Variants in UNC13C observed in about 807,000 individuals in gnomAD.
UNC13C encodes the protein protein unc-13 homolog C.
A neutral mutation model predicts 245.4 loss-of-function variants in UNC13C; 174 were observed. The ratio of observed to expected loss-of-function variants is 0.71; its 90% CI spans 0.63 to 0.80. UNC13C has a LOEUF of 0.80. UNC13C is among the 30% of genes least tolerant of loss of function. UNC13C has a pLI of 0.00. For synonymous variants in UNC13C, 992 were observed against 895.1 expected, an observed-to-expected ratio of 1.11 and a Z score of -1.93; for missense variants, 2,829 against 2,602.9, an observed-to-expected ratio of 1.09 and a Z score of -1.89.
chr15:54,323,274 G>T (rs1218180216), intron 14 of UNC13C, among the ~76,000 whole-genome samples: 1 of 151,998 alleles, frequency 6.6e-6, no homozygotes, highest in Non-Finnish European at 1.5e-5. Flanking sequence ...AAAGAGAAAT[G>T]CATGCGAGGT....
intron 4 of UNC13C, among the ~76,000 whole-genome samples, chr15:54,165,915 T>G (rs192983560): frequency 1.7e-3 from 259 of 152,164 alleles, no homozygotes; most frequent in African/African-American, 5.9e-3. Context: ...TTTTAAAATT[T>G]GTATTATTTT....
intron 30 of UNC13C, among the ~76,000 whole-genome samples, chr15:54,592,260 G>A (rs1300579638): frequency 6.6e-6 from 1 of 152,130 alleles, no homozygotes; most frequent in Non-Finnish European, 1.5e-5. Context: ...TGAATAGAAC[G>A]TGTATTCTGT....
chr15:54,085,039 A>G (rs1899158308), intron 2 of UNC13C, among the ~76,000 whole-genome samples: 1 of 152,186 alleles, frequency 6.6e-6, no homozygotes, highest in South Asian at 2.1e-4. Flanking sequence ...CAATTTGTCC[A>G]AATTATTATG....
intron 8 of UNC13C, among the ~76,000 whole-genome samples, chr15:54,263,645 G>A (rs1343444071): frequency 6.6e-6 from 1 of 152,102 alleles, no homozygotes; most frequent in Non-Finnish European, 1.5e-5. Flanking sequence ...TAGTCTAGTA[G>A]TGTCCAAATC....
At chr15:54,409,211 C>T (rs1442443196) in intron 18 of UNC13C, among the ~76,000 whole-genome samples, 2 of 151,452 alleles carry the variant, frequency 1.3e-5, no homozygotes, top group African/African-American at 4.9e-5. Flanking sequence ...TTTAAATTTC[C>T]CTTTCATCTC....
intron 4 of UNC13C, among the ~76,000 whole-genome samples, chr15:54,145,351 T>C (rs1381132326): frequency 6.6e-6 from 1 of 152,130 alleles, no homozygotes; most frequent in African/African-American, 2.4e-5. Context: ...AATGTAAAGC[T>C]CCTACAAATT....
At position 54,158,469 on chromosome 15, in the gene UNC13C, G is replaced by A. The variant is rs146604324; in HGVS notation, c.3071+14785G>A. On this transcript the variant is annotated intron_variant, in intron 4 of 32. Coordinates refer to ENST00000260323, the MANE Select transcript of UNC13C (RefSeq NM_001080534.3). ...CAGTAGCCTGGGGCTACAGGCGCCCGCCACCATGCCCAGCTAATTTTTTGT... is the reference window on the plus strand; with the variant it reads ...CAGTAGCCTGGGGCTACAGGCGCCCACCACCATGCCCAGCTAATTTTTTGT... 3.3e-3 allele frequency among the ~76,000 whole-genome samples: 507 copies of A among 151,794 alleles called. 2 individuals carry two copies. Among genetic ancestry groups the A allele is most frequent in the Non-Finnish European group, 6.2e-3 (423 of 67,904 alleles).
chr15:54,466,633 G>T (rs890017339), intron 19 of UNC13C, among the ~76,000 whole-genome samples: 1 of 151,762 alleles, frequency 6.6e-6, no homozygotes. Flanking sequence ...TTATATATGT[G>T]ATTATTCTCT....
chr15:54,433,748 A>G (rs1298391758), intron 19 of UNC13C, among the ~76,000 whole-genome samples: 1 of 152,094 alleles, frequency 6.6e-6, no homozygotes, highest in African/African-American at 2.4e-5. Flanking sequence ...ATCAGATACG[A>G]GAAAGAAATG....
rs574012521 is a variant in UNC13C, at chr15:54,322,899, A to G, written c.4425+804A>G. Among the ~76,000 whole-genome samples the G allele has an allele frequency of 2.0e-5, 3 of 152,058 alleles. No individual in the cohort carries two copies. In the South Asian group the frequency reaches 6.2e-4, roughly 32 times the overall value. ...GCATTTGGTATGTTTGGGGACATGG[A>G]CAGGGAGGGAAGGAGAAGATGCCTG... On this transcript the variant is annotated intron_variant, in intron 14 of 32. Transcript: ENST00000260323.
intron 19 of UNC13C, among the ~76,000 whole-genome samples, chr15:54,481,183 A>G (rs939170228): frequency 8.1e-6 from 1 of 123,890 alleles, no homozygotes; most frequent in Non-Finnish European, 1.7e-5. Flanking sequence ...GGCTATGGCA[A>G]TGCATTGCTG....
chr15:54,142,597 T>C (rs1393464683), intron 2 of UNC13C, among the ~76,000 whole-genome samples: 1 of 152,208 alleles, frequency 6.6e-6, no homozygotes, highest in African/African-American at 2.4e-5. Flanking sequence ...CAATTAATTC[T>C]ATCAACAATG....
At chr15:54,269,478 GTAAAA>G (rs149825582) in intron 10 of UNC13C, among the ~76,000 whole-genome samples, 3,808 of 152,158 alleles carry the variant, frequency 0.025, 153 homozygotes, top group African/African-American at 0.087. Flanking sequence ...GTTGTAATCA[GTAAAA>G]TAAAATAGAA....
At chr15:54,585,188 G>T (rs1596617424) in intron 30 of UNC13C, among the ~76,000 whole-genome samples, 1 of 152,204 alleles carries the variant, frequency 6.6e-6, no homozygotes, top group Non-Finnish European at 1.5e-5. Context: ...AGTGTTGGAG[G>T]TAGGGCCTGC....
intron 30 of UNC13C, among the ~76,000 whole-genome samples, chr15:54,610,935 A>T (rs1900058372): frequency 6.6e-6 from 1 of 152,250 alleles, no homozygotes; most frequent in Non-Finnish European, 1.5e-5. Flanking sequence ...AGTAAGTATT[A>T]AAAAAATTTT....
chr15:54,628,516 A>G lies in UNC13C; in HGVS notation c.*1403A>G, dbSNP rs190271692. 1 of 152,692 alleles carries G rather than the reference A, an allele frequency of 6.5e-6. No homozygotes were observed. Among genetic ancestry groups the G allele is most frequent in the African/African-American group, 2.4e-5 (1 of 41,568 alleles). The allele number at this position is 152,692 out of a possible 1,614,324, so 9.5% of individuals were successfully genotyped here. ...CTAATTCATGTTAAACTGTTAGGCC[A>G]CTGCTTTGTTAATGACTCCTCTAAA... On this transcript the variant is annotated 3_prime_UTR_variant, in exon 33 of 33. Transcript: ENST00000260323.
intron 8 of UNC13C, among the ~76,000 whole-genome samples, chr15:54,258,501 C>T (rs2036339024): frequency 6.6e-6 from 1 of 152,050 alleles, no homozygotes; most frequent in Non-Finnish European, 1.5e-5. Flanking sequence ...GTAGCTGGGA[C>T]TACAGATGTG....
chr15:53,975,694 C>T (rs1399639714), upstream of UNC13C, among the ~76,000 whole-genome samples: 1 of 152,166 alleles, frequency 6.6e-6, no homozygotes, highest in East Asian at 1.9e-4. Flanking sequence ...AGCAGTGACC[C>T]AGGTTCCTTG....
At chr15:54,074,971 T>C (rs1356820635) in intron 2 of UNC13C, among the ~76,000 whole-genome samples, 1 of 152,178 alleles carries the variant, frequency 6.6e-6, no homozygotes, top group Non-Finnish European at 1.5e-5. Flanking sequence ...TTGGTTACCT[T>C]AAAGCACTTT....
Sources: allele counts gnomAD v4.1 joint callset (sites outside exome capture counted in the v4.1 genomes callset), GRCh38; gene constraint gnomAD v4.1.1; transcripts MANE v1.5; gene names NCBI Gene and HGNC (gene_info 2026-07-23, HGNC 2026-07-21).